The following DAPK2 variants were observed in gnomAD, a reference collection of about 807,000 sequenced individuals.
DAPK2 encodes death associated protein kinase 2, also known as death-associated protein kinase 2.
In DAPK2, 35 loss-of-function variants were observed where a neutral mutation model predicts 44.1. That is an observed-to-expected ratio of 0.79 (90% CI 0.61 to 1.05). The LOEUF (loss-of-function observed/expected upper bound fraction) is 1.05. Among genes scored for constraint, DAPK2 ranks in the 50% least tolerant of loss-of-function variants. The pLI is 0.00. For synonymous variants in DAPK2, 174 were observed against 182.6 expected, an observed-to-expected ratio of 0.95 and a Z score of 0.38; for missense variants, 453 against 483.2, an observed-to-expected ratio of 0.94 and a Z score of 0.59.
chr15:63,940,307 A>G (rs2077272202), intron 3 of DAPK2, among the ~76,000 whole-genome samples: 1 of 152,168 alleles, frequency 6.6e-6, no homozygotes, highest in South Asian at 2.1e-4. Flanking sequence ...TGAAGGGGAA[A>G]CAGTGAATGA....
chr15:63,941,905 C>G (rs1332715912), intron 3 of DAPK2, among the ~76,000 whole-genome samples: 2 of 152,212 alleles, frequency 1.3e-5, no homozygotes, highest in Admixed American at 6.5e-5. Flanking sequence ...GCACCCCATG[C>G]AGTCAGCTGC....
At position 63,930,466 on chromosome 15, in the gene DAPK2, T is replaced by A. The variant is rs760582241; in HGVS notation, c.584-11A>T. The A allele has an allele frequency of 2.5e-6, 4 of 1,613,802 alleles. No homozygotes were observed. Among genetic ancestry groups the A allele is most frequent in the Admixed American group, 1.7e-5 (1 of 60,006 alleles). ...TCACAATTTCTGGAGCTGAAAGAAGTCATATTAAATAGTCAACATGAGTGT... is the reference window on the plus strand; with the variant it reads ...TCACAATTTCTGGAGCTGAAAGAAGACATATTAAATAGTCAACATGAGTGT... On this transcript the variant is annotated splice_polypyrimidine_tract_variant and intron_variant, in intron 4 of 10. Transcript: ENST00000261891.
intron 4 of DAPK2, among the ~76,000 whole-genome samples, chr15:63,934,560 T>G (rs1490593153): frequency 6.6e-6 from 1 of 151,648 alleles, no homozygotes; most frequent in Non-Finnish European, 1.5e-5. Context: ...CCCAGCCTAT[T>G]GTTTTGTTTT....
At chr15:63,911,226 C>CAAAAAAAAAAAAA (rs33985538) in intron 10 of DAPK2, 2 of 131,060 alleles carry the variant, frequency 1.5e-5, no homozygotes, top group African/African-American at 2.9e-5. Flanking sequence ...TCTAAACAAA[C>CAAAAAAAAAAAAA]AAAAAAAAAA....
At chr15:64,040,144 C>T (rs1281675724) in intron 1 of DAPK2, 26 bp downstream of exon 2, 3 of 1,587,452 alleles carry the variant, frequency 1.9e-6, no homozygotes, top group Non-Finnish European at 8.7e-7. Context: ...CCTCGGCATC[C>T]CCCCACCTCT....
rs914784070 is a variant in DAPK2, at chr15:63,923,913, G to T, written c.858+903C>A. 1.3e-5 allele frequency among the ~76,000 whole-genome samples: 2 copies of T among 152,138 alleles called. No individual in the cohort carries two copies. The highest frequency in any genetic ancestry group is 4.8e-5 in the African/African-American group (2 of 41,416). On this transcript the variant is annotated intron_variant, in intron 8 of 10. Coordinates refer to ENST00000261891, the Ensembl canonical transcript of DAPK2. This position sits in a 1 kb window ranked among gnomAD's most constrained non-coding sequence, Gnocchi z 4.2. ...GCTCAAGTTGGTCTTGAACTCCTGGGCTCAAGTCATCCTTCTGCTGCCTCG... is the reference window on the plus strand; with the variant it reads ...GCTCAAGTTGGTCTTGAACTCCTGGTCTCAAGTCATCCTTCTGCTGCCTCG...
chr15:63,916,209 C>G lies in DAPK2; in HGVS notation c.859-4012G>C, dbSNP rs1274917704. ...TTTGAAAAAGTCCAGTGGGGTGTGCCAGGTCAGTACCAACATCCACAGGCA... is the reference window on the plus strand; with the variant it reads ...TTTGAAAAAGTCCAGTGGGGTGTGCGAGGTCAGTACCAACATCCACAGGCA... On this transcript the variant is annotated intron_variant, in intron 8 of 10. Transcript: ENST00000261891. The surrounding 1 kb of genome is among the most constrained non-coding windows in gnomAD (Gnocchi z 4.7). 1 of 151,328 alleles carries G rather than the reference C, an allele frequency of 6.6e-6. No homozygotes were observed. The allele number at this position is 151,328 out of a possible 1,614,324, so 9.4% of individuals were successfully genotyped here. A position where few individuals can be genotyped will look rare whatever the true frequency, so the allele number is the denominator to read the frequency against.
intron 1 of DAPK2, among the ~76,000 whole-genome samples, chr15:64,036,255 A>G (rs1425943684): frequency 7.8e-6 from 1 of 128,412 alleles, no homozygotes; most frequent in Admixed American, 9.2e-5. Context: ...GTGAAACTCC[A>G]TCTCAAAATA....
rs987130381 is a variant in DAPK2 at position 63,955,213 on chromosome 15, T to A, written c.454-15852A>T. ...TGAATAACAGTGGTGAAAGTGGGCA[T>A]CCTTGTTGTGTTACAGATTTTAGAG... is the stretch of plus-strand genomic sequence containing the variant. On this transcript the variant is annotated intron_variant, in intron 3 of 10. Transcript: ENST00000261891. Among the ~76,000 whole-genome samples the A allele has an allele frequency of 7.9e-5, 12 of 152,356 alleles. No individual in the cohort carries two copies. In the South Asian group the frequency reaches 2.1e-3, roughly 26 times the overall value.
rs745919030 is a variant in DAPK2 at position 63,924,811 on chromosome 15, C to G, written c.858+5G>C. 1.9e-6 allele frequency: 3 copies of G among 1,614,034 alleles called. No individual in the cohort carries two copies. The Admixed American group carries it at 5.0e-5, about 27-fold the overall frequency. On this transcript the variant is annotated splice_donor_5th_base_variant and intron_variant, in intron 8 of 10. Transcript: ENST00000261891. ...GCCCATTGGAACTCATGGCTGTGCCCTTACCGTGATCCAGGGGTGTCTGAG... is the reference window on the plus strand; with the variant it reads ...GCCCATTGGAACTCATGGCTGTGCCGTTACCGTGATCCAGGGGTGTCTGAG...
chr15:63,985,317 T>C (rs912791143), intron 1 of DAPK2, among the ~76,000 whole-genome samples: 7 of 152,256 alleles, frequency 4.6e-5, no homozygotes, highest in Admixed American at 1.3e-4. Flanking sequence ...GCAGGTGGAG[T>C]GGAGCCAGGC....
intron 2 of DAPK2, among the ~76,000 whole-genome samples, chr15:63,976,154 G>A (rs1240565323): frequency 6.6e-6 from 1 of 152,156 alleles, no homozygotes; most frequent in Non-Finnish European, 1.5e-5. Context: ...ATCCGCTTAA[G>A]CCTCTTGTTC....
chr15:63,913,243 C>T (rs1158466011), intron 8 of DAPK2, among the ~76,000 whole-genome samples: 2 of 152,064 alleles, frequency 1.3e-5, no homozygotes, highest in Non-Finnish European at 2.9e-5. Context: ...GACATTTCTT[C>T]CTGGGGTAAT....
chr15:63,942,148 G>C (rs1223296409), intron 3 of DAPK2: 36 of 915,916 alleles, frequency 3.9e-5, no homozygotes, highest in Non-Finnish European at 4.4e-5. Flanking sequence ...GGATGAGGTG[G>C]TGGAGGGGAA....
chr15:64,030,815 T>C (rs1334353726), intron 1 of DAPK2, among the ~76,000 whole-genome samples: 3 of 151,972 alleles, frequency 2.0e-5, no homozygotes, highest in Non-Finnish European at 4.4e-5. Flanking sequence ...CAAAAAATTT[T>C]AAAATTATCA....
intron 3 of DAPK2, among the ~76,000 whole-genome samples, chr15:63,946,726 C>T (rs2077458539): frequency 6.6e-6 from 1 of 152,160 alleles, no homozygotes; most frequent in African/African-American, 2.4e-5. Flanking sequence ...CAGCCCAGTG[C>T]CCTCTCCAGA....
intron 7 of DAPK2, 144 bp downstream of exon 8, chr15:63,925,797 C>A: frequency 9.8e-7 from 1 of 1,023,336 alleles, no homozygotes; most frequent in South Asian, 1.5e-5. Context: ...TTGGCTAGGC[C>A]ACACTTTCCA....
intron 4 of DAPK2, among the ~76,000 whole-genome samples, chr15:63,938,147 A>G (rs1432474794): frequency 6.6e-6 from 1 of 152,204 alleles, no homozygotes; most frequent in Non-Finnish European, 1.5e-5. Flanking sequence ...TCTACAACTA[A>G]ATTGTAAGCT....
intron 3 of DAPK2, among the ~76,000 whole-genome samples, chr15:63,962,566 A>G (rs2077937663): frequency 6.6e-6 from 1 of 152,176 alleles, no homozygotes; most frequent in African/African-American, 2.4e-5. Context: ...TTTTCCTTCT[A>G]ACAATCAGGA....
Sources: gnomAD v4.1 joint callset for allele counts (sites outside exome capture counted in the v4.1 genomes callset) on GRCh38, gnomAD v4.1.1 for gene constraint, Gnocchi (gnomAD v3.1) non-coding constraint, MANE v1.5 for transcripts, NCBI Gene and HGNC (gene_info 2026-07-23, HGNC 2026-07-21) for gene names.